The following AOX1 variants were observed in gnomAD, a reference collection of about 807,000 sequenced individuals.
AOX1 encodes aldehyde oxidase.
AOX1 carries 153 observed loss-of-function variants against 169.5 expected under a neutral mutation model. That is an observed-to-expected ratio of 0.90 (90% CI 0.79 to 1.03). AOX1 has a LOEUF of 1.03. Among genes scored for constraint, AOX1 ranks in the 50% least tolerant of loss-of-function variants. AOX1 has a pLI of 0.00. For synonymous variants in AOX1, 562 were observed against 581.9 expected (o/e 0.97, Z 0.49); for missense variants, 1,656 against 1,663.9 (o/e 1.00, Z 0.08).
At chr2:200,589,796 T>C (rs941424249) in intron 1 of AOX1, among the ~76,000 whole-genome samples, 5 of 152,184 alleles carry the variant, frequency 3.3e-5, no homozygotes, top group African/African-American at 1.2e-4. Context: ...GGTACTGGTG[T>C]AGGAATCTGG....
rs2035929248 is a variant in AOX1, at chr2:200,666,680, A to G, written c.3544-7A>G. On this transcript the variant is annotated splice_region_variant and splice_polypyrimidine_tract_variant and intron_variant, in intron 31 of 34. Coordinates refer to ENST00000374700, the MANE Select transcript of AOX1 (RefSeq NM_001159.4). ...AAATAAACATTTTAACTTTTTTTTA[A>G]TACTAGAACATCAGAACAGACATTG... is the stretch of plus-strand genomic sequence containing the variant. The G allele has an allele frequency of 6.3e-7, 1 of 1,592,966 alleles. No individual in the cohort carries two copies. The highest frequency in any genetic ancestry group is 8.5e-7 in the Non-Finnish European group (1 of 1,171,806).
chr2:200,611,566 G>A, intron 13 of AOX1, 73 bp downstream of exon 13: 1 of 998,082 alleles, frequency 1.0e-6, no homozygotes, highest in Non-Finnish European at 1.6e-6. Context: ...GTATATGGTG[G>A]AATAAGAAAA....
intron 26 of AOX1, among the ~76,000 whole-genome samples, chr2:200,652,678 C>T (rs1453247684): frequency 6.6e-6 from 1 of 152,200 alleles, no homozygotes. Context: ...GGCGCACTGC[C>T]TCTATTTGAT....
At chr2:200,590,430 T>C (rs1445440066) in intron 1 of AOX1, among the ~76,000 whole-genome samples, 1 of 152,076 alleles carries the variant, frequency 6.6e-6, no homozygotes, top group Non-Finnish European at 1.5e-5. Flanking sequence ...AGAATAACTG[T>C]TACCCATCCC....
chr2:200,656,322 G>A (rs995175620), intron 26 of AOX1, among the ~76,000 whole-genome samples: 6 of 152,094 alleles, frequency 3.9e-5, no homozygotes, highest in Non-Finnish European at 8.8e-5. Context: ...ATAAAAACAT[G>A]TTTAGCTTAG....
chr2:200,627,307 C>A, intron 19 of AOX1, 46 bp from the exon 20 acceptor site: 1 of 1,331,234 alleles, frequency 7.5e-7, no homozygotes, highest in South Asian at 1.2e-5. Context: ...TGCCCTAGGG[C>A]AGGGTCTCTT....
chr2:200,607,102 G>T (rs1215883496), intron 10 of AOX1, among the ~76,000 whole-genome samples: 3 of 152,140 alleles, frequency 2.0e-5, no homozygotes, highest in Non-Finnish European at 2.9e-5. Context: ...CATTCAGTAT[G>T]ATATTGGCTA....
intron 26 of AOX1, among the ~76,000 whole-genome samples, chr2:200,656,353 TAA>T (rs1221215825): frequency 6.6e-6 from 1 of 152,236 alleles, no homozygotes; most frequent in Non-Finnish European, 1.5e-5. Context: ...TTTCTGATTA[TAA>T]GAGTCTTTAA....
intron 5 of AOX1, among the ~76,000 whole-genome samples, chr2:200,600,569 G>A (rs1026817459): frequency 7.2e-5 from 11 of 151,918 alleles, no homozygotes; most frequent in East Asian, 5.8e-4. Flanking sequence ...CCATGGCTCC[G>A]TTTGTCTTTG....
chr2:200,620,910 C>A, intron 17 of AOX1, 91 bp downstream of exon 17: 1 of 1,438,978 alleles, frequency 6.9e-7, no homozygotes, highest in Non-Finnish European at 9.5e-7. Context: ...AAGAAATAGG[C>A]TATTTGTTGG....
Position 200,669,561 on chromosome 2 carries a change from T to C in AOX1, c.3799-14T>C, listed in dbSNP as rs750017543. On this transcript the variant is annotated splice_polypyrimidine_tract_variant and intron_variant, in intron 33 of 34. Coordinates refer to ENST00000374700, the MANE Select transcript of AOX1 (RefSeq NM_001159.4). ...AGAGAGAGGTATAATCTAGTTGGCA[T>C]GCTTCCTTTCAAGGGTCTGGGAGAG... 4.3e-6 allele frequency: 7 copies of C among 1,613,686 alleles called. No individual in the cohort carries two copies. In the South Asian group the frequency reaches 5.5e-5, roughly 13 times the overall value.
chr2:200,612,559 A>G, intron 13 of AOX1, 50 bp from the exon 14 acceptor site: 3 of 1,584,696 alleles, frequency 1.9e-6, no homozygotes, highest in South Asian at 1.2e-5. Context: ...TGCCCAGTGC[A>G]TAGGTGATGC....
chr2:200,643,089 C>T (rs1484297320), intron 25 of AOX1, among the ~76,000 whole-genome samples: 2 of 152,040 alleles, frequency 1.3e-5, no homozygotes, highest in East Asian at 3.8e-4. Context: ...CTGCTACCCA[C>T]AATTCCATCA....
At chr2:200,621,334 C>A in intron 18 of AOX1, 88 bp downstream of exon 18, 1 of 1,418,446 alleles carries the variant, frequency 7.0e-7, no homozygotes, top group Admixed American at 2.0e-5. Context: ...TACTTTGGCA[C>A]ACCATGAAAG....
At chr2:200,598,219 A>T (rs1386069954) in intron 4 of AOX1, among the ~76,000 whole-genome samples, 1 of 152,132 alleles carries the variant, frequency 6.6e-6, no homozygotes, top group African/African-American at 2.4e-5. Flanking sequence ...ATTGAGGGAT[A>T]TAATTTTATT....
At chr2:200,654,977 G>A (rs1170292381) in intron 26 of AOX1, among the ~76,000 whole-genome samples, 4 of 152,166 alleles carry the variant, frequency 2.6e-5, no homozygotes, top group African/African-American at 9.7e-5. Flanking sequence ...GGACATACAG[G>A]CTGAATGCTA....
At chr2:200,673,119 C>T (rs890765499), downstream of AOX1, among the ~76,000 whole-genome samples, 3 of 152,174 alleles carry the variant, frequency 2.0e-5, no homozygotes, top group Non-Finnish European at 2.9e-5. Context: ...TAGATGCCTC[C>T]TTTCTGTCCC....
chr2:200,621,696 C>CTCTCTCTCTT (rs10664948), intron 18 of AOX1, among the ~76,000 whole-genome samples: 40 of 151,666 alleles, frequency 2.6e-4, no homozygotes, highest in Non-Finnish European at 5.5e-4. Context: ...CTCTCTCTCT[C>CTCTCTCTCTT]AATTTATTCT....
At chr2:200,629,550 G>GA (rs1441428984) in intron 20 of AOX1, among the ~76,000 whole-genome samples, 2 of 152,086 alleles carry the variant, frequency 1.3e-5, no homozygotes, top group Non-Finnish European at 2.9e-5. Flanking sequence ...CCCTTTTTTA[G>GA]AATTGTAGAG....
Sources: allele counts gnomAD v4.1 joint callset (sites outside exome capture counted in the v4.1 genomes callset), GRCh38; gene constraint gnomAD v4.1.1; transcripts MANE v1.5; gene names NCBI Gene and HGNC (gene_info 2026-07-23, HGNC 2026-07-21).